The following IL16 variants were observed in gnomAD, a reference collection of about 807,000 sequenced individuals.
IL16 encodes pro-interleukin-16.
IL16 carries 67 observed loss-of-function variants against 110.1 expected under a neutral mutation model. The observed-to-expected ratio is 0.61, with a 90% confidence interval of 0.50 to 0.75. IL16 has a LOEUF of 0.75. IL16 is among the 30% of genes least tolerant of loss of function. The pLI is 0.00. For missense variants in IL16, 1,545 were observed against 1,655.0 expected (o/e 0.93, Z 1.15); for synonymous variants, 689 against 662.9 (o/e 1.04, Z -0.61).
At chr15:81,208,807 T>C (rs1896129185) in intron 1 of IL16, among the ~76,000 whole-genome samples, 1 of 152,188 alleles carries the variant, frequency 6.6e-6, no homozygotes, top group African/African-American at 2.4e-5. Context: ...TGTGGGCTCA[T>C]TAATCTGCCG....
At chr15:81,282,782 T>A (rs1217356238) in intron 9 of IL16, 26 bp downstream of exon 9, 3 of 1,465,228 alleles carry the variant, frequency 2.0e-6, no homozygotes, top group African/African-American at 1.4e-5. Flanking sequence ...TGTTTCTGAA[T>A]ATACCCCCGA....
At chr15:81,249,432 A>G (rs919330573) in intron 2 of IL16, among the ~76,000 whole-genome samples, 1 of 151,668 alleles carries the variant, frequency 6.6e-6, no homozygotes, top group Non-Finnish European at 1.5e-5. Flanking sequence ...GTCTGTAAAG[A>G]CCTTTATTTT....
Position 81,313,445 on chromosome 15 carries a change from A to G in IL16, c.*4647A>G. The G allele has an allele frequency of 6.8e-7, 1 of 1,462,526 alleles. No homozygotes were observed. Among genetic ancestry groups the G allele is most frequent in the Non-Finnish European group, 9.1e-7 (1 of 1,101,756 alleles). 90.6% of individuals were successfully genotyped at this position (1,462,526 alleles called of 1,614,324 possible). On this transcript the variant is annotated 3_prime_UTR_variant, in exon 19 of 19. Coordinates refer to ENST00000683961, the MANE Select transcript of IL16 (RefSeq NM_172217.5). ...AGAGCTGTGTTATGATCTGCAGCAG[A>G]GGTGCTGGGGACGAGCGCCAGGCAG...
chr15:81,285,655 C>A, intron 9 of IL16, 43 bp from the exon 10 acceptor site: 2 of 1,608,924 alleles, frequency 1.2e-6, no homozygotes, highest in South Asian at 1.1e-5. Context: ...TCAAATGTCT[C>A]ATTGATTCAC....
intron 8 of IL16, among the ~76,000 whole-genome samples, chr15:81,280,438 G>T (rs917309682): frequency 6.6e-6 from 1 of 152,218 alleles, no homozygotes; most frequent in Non-Finnish European, 1.5e-5. Context: ...TTTGCAGCTC[G>T]ATTCTCTTCT....
At chr15:81,194,510 A>T (rs930025508), upstream of IL16, among the ~76,000 whole-genome samples, 8 of 151,556 alleles carry the variant, frequency 5.3e-5, no homozygotes, top group Non-Finnish European at 1.0e-4. Context: ...AAAATTTTTT[A>T]AATTAATTTT....
chr15:81,190,269 A>T (rs1164856694), intron 1 of IL16, among the ~76,000 whole-genome samples: 2 of 152,088 alleles, frequency 1.3e-5, no homozygotes, highest in Non-Finnish European at 2.9e-5. Flanking sequence ...AAACCATCCT[A>T]ATATTGGCCT....
chr15:81,225,177 A>C, intron 1 of IL16, 122 bp from the exon 2 acceptor site: 1 of 749,504 alleles, frequency 1.3e-6, no homozygotes, highest in Non-Finnish European at 2.1e-6. Flanking sequence ...TTAAAGGATG[A>C]TCTGCCCATC....
intron 1 of IL16, among the ~76,000 whole-genome samples, chr15:81,200,962 T>C (rs1274854987): frequency 6.6e-6 from 1 of 152,166 alleles, no homozygotes; most frequent in Non-Finnish European, 1.5e-5. Context: ...GCTTTCCCTC[T>C]CTTCCTTCCT....
Position 81,313,173 on chromosome 15 carries a change from G to A in IL16, c.*4375G>A, listed in dbSNP as rs766045908. 112 of 1,423,102 alleles carry A rather than the reference G, an allele frequency of 7.9e-5. No individual in the cohort carries two copies. The highest frequency in any genetic ancestry group is 9.7e-5 in the Non-Finnish European group (104 of 1,075,034). 88.2% of individuals were successfully genotyped at this position (1,423,102 alleles called of 1,614,324 possible). ...CCAAAGAGTGAACACAGGCCTCTGCGTGCTCCCAGGCTCCTTGGTGTCCCA... is the reference window on the plus strand; with the variant it reads ...CCAAAGAGTGAACACAGGCCTCTGCATGCTCCCAGGCTCCTTGGTGTCCCA... On this transcript the variant is annotated 3_prime_UTR_variant, in exon 19 of 19. Transcript: ENST00000683961.
chr15:81,225,432 A>G lies in IL16; in HGVS notation c.33A>G (p.Arg11=), dbSNP rs758682758. ...CGCACAGCCGCGCTGGAAAGAGCAG[A>G]AAATCTGCAAAATTTCGGTCCATCT... MESHSRAGKS[R]KSAKFRSISR... The change falls in exon 2 of 19, where the codon AGA becomes AGG. Residue 11 remains arginine, a synonymous_variant. Coordinates refer to ENST00000683961, the MANE Select transcript of IL16 (RefSeq NM_172217.5). The G allele has an allele frequency of 2.5e-6, 4 of 1,614,186 alleles. No individual in the cohort carries two copies. Among genetic ancestry groups the G allele is most frequent in the Non-Finnish European group, 3.4e-6 (4 of 1,180,018 alleles).
intron 6 of IL16, among the ~76,000 whole-genome samples, chr15:81,275,206 G>A (rs1268288809): frequency 6.6e-6 from 1 of 151,452 alleles, no homozygotes. Context: ...AGAAGGGAGA[G>A]CGATGTCCCT....
At chr15:81,202,737 A>T (rs1416841120) in intron 1 of IL16, among the ~76,000 whole-genome samples, 1 of 152,056 alleles carries the variant, frequency 6.6e-6, no homozygotes, top group African/African-American at 2.4e-5. Context: ...TTGGACATTT[A>T]GGTTGGTTCC....
rs776181836 is a variant in IL16 at position 81,282,598 on chromosome 15, C to T, written c.1082-41C>T. 1.7e-5 allele frequency: 26 copies of T among 1,490,138 alleles called. No individual in the cohort carries two copies. In the South Asian group the frequency reaches 2.1e-4, roughly 12 times the overall value. 92.3% of individuals were successfully genotyped at this position (1,490,138 alleles called of 1,614,324 possible). ...TCGACGAGTAGGCCCCCTGGGAAAG[C>T]TCAGTCCCGGTCTCCCCACCCCGCC... On this transcript the variant is annotated intron_variant, in intron 8 of 18. Transcript: ENST00000683961.
At chr15:81,298,469 C>T (rs1475340831) in intron 13 of IL16, among the ~76,000 whole-genome samples, 1 of 152,208 alleles carries the variant, frequency 6.6e-6, no homozygotes, top group African/African-American at 2.4e-5. Flanking sequence ...CTCCTATGTG[C>T]TCCAGGGCAT....
intron 1 of IL16, among the ~76,000 whole-genome samples, chr15:81,207,061 G>A (rs1008353724): frequency 2.9e-4 from 42 of 144,502 alleles, no homozygotes; most frequent in African/African-American, 1.0e-3. Flanking sequence ...GTGAAACCCC[G>A]TCTCTACTAA....
At chr15:81,243,165 T>TATATA (rs1595985718) in intron 2 of IL16, among the ~76,000 whole-genome samples, 4 of 13,362 alleles carry the variant, frequency 3.0e-4, no homozygotes, top group African/African-American at 1.6e-3. Context: ...ATATATATAT[T>TATATA]TTTTTTTTTT....
chr15:81,265,562 T>A (rs1489243011), intron 3 of IL16, 97 bp from the exon 4 acceptor site: 2 of 1,364,474 alleles, frequency 1.5e-6, no homozygotes, highest in East Asian at 2.4e-5. Context: ...ACAGTCACAC[T>A]GGCCCCTGGC....
Position 81,289,640 on chromosome 15 carries a change from G to T in IL16, c.1333-813G>T, listed in dbSNP as rs1217753752. Among the ~76,000 whole-genome samples the T allele has an allele frequency of 2.6e-5, 4 of 152,112 alleles. No individual in the cohort carries two copies. In the East Asian group the frequency reaches 7.7e-4, roughly 29 times the overall value. ...TTAATCAGGTTGTTTTGTTGTTGTT[G>T]TTGTTGCTGAGTTGTAGGAGTTCTT... is the stretch of plus-strand genomic sequence containing the variant. On this transcript the variant is annotated intron_variant, in intron 10 of 18. Coordinates refer to ENST00000683961, the MANE Select transcript of IL16 (RefSeq NM_172217.5).
Sources: allele counts gnomAD v4.1 joint callset (sites outside exome capture counted in the v4.1 genomes callset), GRCh38; gene constraint gnomAD v4.1.1; transcripts MANE v1.5; gene names NCBI Gene and HGNC (gene_info 2026-07-23, HGNC 2026-07-21).